PBX1: variants seen among roughly 807,000 people sequenced by gnomAD.
The protein encoded by PBX1 is PBX homeobox 1.
Under a neutral mutation model 53.4 loss-of-function variants are expected in PBX1, and 6 were observed. The observed-to-expected ratio is 0.11, with a 90% CI of 0.06 to 0.22. The LOEUF is 0.22. Ranked by LOEUF, PBX1 falls within the 10% of genes least tolerant of loss-of-function variation. PBX1 has a pLI of 1.00. For synonymous variants in PBX1, 204 were observed against 212.3 expected (o/e 0.96, Z 0.34); for missense variants, 251 against 551.4 (o/e 0.46, Z 5.46).
chr1:164,801,917 A>G (rs1669096597), intron 4 of PBX1, among the ~76,000 whole-genome samples: 2 of 152,232 alleles, frequency 1.3e-5, no homozygotes, highest in African/African-American at 2.4e-5. Context: ...TGATTGGGGA[A>G]TTCACATCAA....
chr1:164,862,102 G>C (rs1449027086), intron 2 of PBX1, among the ~76,000 whole-genome samples: 1 of 152,192 alleles, frequency 6.6e-6, no homozygotes, highest in Non-Finnish European at 1.5e-5. Context: ...CAGCAGTGCT[G>C]TGAATAGACC....
chr1:164,823,919 T>C (rs1333020799), intron 8 of PBX1, among the ~76,000 whole-genome samples: 1 of 152,148 alleles, frequency 6.6e-6, no homozygotes, highest in Non-Finnish European at 1.5e-5. Flanking sequence ...CTAAGCTTGT[T>C]ATAGTGAGAT....
intron 2 of PBX1, among the ~76,000 whole-genome samples, chr1:164,764,746 A>G (rs1207567434): frequency 6.6e-6 from 1 of 152,172 alleles, no homozygotes; most frequent in Non-Finnish European, 1.5e-5. Flanking sequence ...CGGCCCACAA[A>G]TCTATATATA....
At chr1:164,648,959 C>A (rs1659623885) in intron 2 of PBX1, among the ~76,000 whole-genome samples, 1 of 152,082 alleles carries the variant, frequency 6.6e-6, no homozygotes, top group Non-Finnish European at 1.5e-5. Flanking sequence ...AACTGTGATA[C>A]CTTTGGTATC....
At chr1:164,670,093 A>G (rs1661033198) in intron 2 of PBX1, among the ~76,000 whole-genome samples, 1 of 152,070 alleles carries the variant, frequency 6.6e-6, no homozygotes, top group Admixed American at 6.5e-5. Flanking sequence ...GGCAGAGTCC[A>G]TGAGGAGTGG....
rs1057264423 is a variant in PBX1 at position 164,730,978 on chromosome 1, A to C, written c.266-61516A>C. Among the ~76,000 whole-genome samples the C allele has an allele frequency of 1.5e-4, 23 of 152,214 alleles. 1 individual carries two copies. The highest frequency in any genetic ancestry group is 4.4e-5 in the Non-Finnish European group (3 of 68,038). ...GTGTTTTGTTGTTTAATGTGCAAAAACATAATGCATAGAGGGGTAGCATTC... is the reference window on the plus strand; with the variant it reads ...GTGTTTTGTTGTTTAATGTGCAAAACCATAATGCATAGAGGGGTAGCATTC... On this transcript the variant is annotated intron_variant, in intron 2 of 8. Transcript: ENST00000420696.
At chr1:164,829,741 A>C (rs1670659649) in intron 8 of PBX1, 1 of 152,000 alleles carries the variant, frequency 6.6e-6, no homozygotes, top group Admixed American at 6.6e-5. Flanking sequence ...GCAAACCTGC[A>C]CTTCCTGCAC....
At chr1:164,798,954 T>C (rs1049198080) in intron 3 of PBX1, among the ~76,000 whole-genome samples, 3 of 152,224 alleles carry the variant, frequency 2.0e-5, no homozygotes, top group Non-Finnish European at 4.4e-5. Context: ...TAAACTCTTT[T>C]GGCTATTTAT....
At position 164,850,933 on chromosome 1, in the gene PBX1, T is replaced by A; in HGVS notation, c.*4257T>A. The A allele has an allele frequency of 4.7e-6, 1 of 212,702 alleles. No homozygotes were observed. The highest frequency in any genetic ancestry group is 9.5e-6 in the Non-Finnish European group (1 of 104,954). 13.2% of individuals were successfully genotyped at this position (212,702 alleles called of 1,614,324 possible). On this transcript the variant is annotated 3_prime_UTR_variant, in exon 9 of 9. Transcript: ENST00000420696. ...GAGGCCTCTTCCAACCAAAGAGGCC[T>A]TTTCTTCCAGGAGAGTCCCGCAGGA...
chr1:164,561,122 T>C (rs1014823237), intron 1 of PBX1, among the ~76,000 whole-genome samples: 6 of 152,214 alleles, frequency 3.9e-5, no homozygotes, highest in Non-Finnish European at 7.3e-5. Flanking sequence ...GTCTGTACAA[T>C]TACCCAGCTT....
intron 2 of PBX1, among the ~76,000 whole-genome samples, chr1:164,645,715 G>A (rs745891950): frequency 3.3e-5 from 5 of 152,130 alleles, no homozygotes; most frequent in South Asian, 2.1e-4. Context: ...CCTCACTCCC[G>A]ATTAATGTGC....
chr1:164,867,436 A>G (rs1430387296), intron 2 of PBX1, among the ~76,000 whole-genome samples: 3 of 152,160 alleles, frequency 2.0e-5, no homozygotes, highest in African/African-American at 4.8e-5. Flanking sequence ...GCTGGGGACA[A>G]AGTGCCTCAA....
At chr1:164,662,861 A>C (rs1660566886) in intron 2 of PBX1, among the ~76,000 whole-genome samples, 2 of 152,046 alleles carry the variant, frequency 1.3e-5, no homozygotes, top group South Asian at 2.1e-4. Context: ...GTGATGGTTA[A>C]TATGCAGAAC....
At position 164,717,175 on chromosome 1, in the gene PBX1, C is replaced by T. The variant is rs191035119; in HGVS notation, c.266-75319C>T. Among the ~76,000 whole-genome samples, 107 of 152,220 alleles carry T rather than the reference C, an allele frequency of 7.0e-4. 1 individual carries two copies. In the East Asian group the frequency reaches 8.7e-3, roughly 12 times the overall value. Reference sequence around the variant, plus strand: ...ATACTGGTTAGTAGTGTGTCACCACCGGAAGGATAGCTGAGGGTGACTAAT... The same window carrying T: ...ATACTGGTTAGTAGTGTGTCACCACTGGAAGGATAGCTGAGGGTGACTAAT... On this transcript the variant is annotated intron_variant, in intron 2 of 8. Transcript: ENST00000420696.
At chr1:164,654,525 GA>G (rs11317525) in intron 2 of PBX1, among the ~76,000 whole-genome samples, 87,643 of 151,974 alleles carry the variant, frequency 0.58, 27,715 homozygotes, top group Non-Finnish European at 0.71. Context: ...GTTTTTGAAA[GA>G]TATGGACAAG....
chr1:164,562,364 T>C lies in PBX1; in HGVS notation c.192-874T>C, dbSNP rs535535753. On this transcript the variant is annotated intron_variant, in intron 1 of 8. Transcript: ENST00000420696. ...ACTAATAGCTGATATGATCAGTATT[T>C]TGTTTCCAAAACAGTATCATTCTGC... Among the ~76,000 whole-genome samples the C allele has an allele frequency of 2.0e-5, 3 of 152,194 alleles. 1 individual carries two copies. Among genetic ancestry groups the C allele is most frequent in the African/African-American group, 7.2e-5 (3 of 41,538 alleles).
chr1:164,666,694 G>A (rs1344989106), intron 2 of PBX1, among the ~76,000 whole-genome samples: 1 of 152,166 alleles, frequency 6.6e-6, no homozygotes, highest in African/African-American at 2.4e-5. Flanking sequence ...TGGAGGATGA[G>A]GGACGGGAAG....
At chr1:164,573,017 C>A (rs780474284) in intron 2 of PBX1, among the ~76,000 whole-genome samples, 2 of 152,146 alleles carry the variant, frequency 1.3e-5, no homozygotes, top group African/African-American at 4.8e-5. Context: ...CCCTCCCCTA[C>A]TTCTAGAGTT....
intron 2 of PBX1, among the ~76,000 whole-genome samples, chr1:164,644,558 G>GGTT (rs1557911895): frequency 6.7e-6 from 1 of 149,876 alleles, no homozygotes. Context: ...ACGTTTATCA[G>GGTT]CTTTTGTTTT....
Sources: allele counts gnomAD v4.1 joint callset (sites outside exome capture counted in the v4.1 genomes callset), GRCh38; gene constraint gnomAD v4.1.1; transcripts MANE v1.5; gene names NCBI Gene and HGNC (gene_info 2026-07-23, HGNC 2026-07-21).